The following HIBCH variants were observed in gnomAD, a reference collection of about 807,000 sequenced individuals.
HIBCH encodes the protein 3-hydroxyisobutyryl-CoA hydrolase, mitochondrial.
A neutral mutation model predicts 58.2 loss-of-function variants in HIBCH; 50 were observed. The observed-to-expected ratio is 0.86, with a 90% CI of 0.68 to 1.09. The LOEUF (loss-of-function observed/expected upper bound fraction) is 1.09, where lower values mean the gene tolerates loss of function less well. Among genes scored for constraint, HIBCH ranks in the 50% least tolerant of loss-of-function variants. The probability of loss-of-function intolerance (pLI) is 0.00; values close to 1 mark genes in which losing one functional copy is unlikely to be tolerated. For synonymous variants in HIBCH, 151 were observed against 146.9 expected, an observed-to-expected ratio of 1.03 and a Z score of -0.20; for missense variants, 450 against 449.7, an observed-to-expected ratio of 1.00 and a Z score of -0.01.
exon 2 of HIBCH, chr2:190,189,831 G>A (rs115854537): frequency 6.6e-6 from 1 of 152,128 alleles, no homozygotes; most frequent in African/African-American, 2.4e-5. Context: ...CCTTGAACTG[G>A]CAACTGGAAG....
chr2:190,263,720 C>G (rs545178329), intron 6 of HIBCH, among the ~76,000 whole-genome samples: 2 of 151,962 alleles, frequency 1.3e-5, no homozygotes, highest in South Asian at 4.1e-4. Flanking sequence ...GTGCTCCTCT[C>G]TCTGTCTTCA....
intron 6 of HIBCH, among the ~76,000 whole-genome samples, chr2:190,271,344 A>T (rs1687395736): frequency 1.5e-5 from 2 of 136,726 alleles, no homozygotes; most frequent in Admixed American, 8.5e-5. Context: ...GCTACAGTGC[A>T]GTGGCGTGAT....
In HIBCH at chr2:190,294,597, T is replaced by C. The variant is rs1430906931; in HGVS notation, c.253A>G (p.Ile85Val). The C allele has an allele frequency of 3.7e-6, 6 of 1,612,630 alleles. No homozygotes were observed. Among genetic ancestry groups the C allele is most frequent in the Admixed American group, 3.3e-5 (2 of 60,002 alleles). ...WEQDPETFLI[I>V]IKGAGGKAFC... is the part of the protein sequence containing the mutation. The stretch of plus-strand genomic sequence containing the variant: ...GCCTTTCCTCCTGCTCCCTTTATAA[T>C]GATCAGGAAAGTTTCAGGATCTTGT... The change falls in exon 4 of 14, where the codon ATT becomes GTT. Residue 85 changes from isoleucine to valine, a missense_variant. Coordinates refer to ENST00000359678, the MANE Select transcript of HIBCH (RefSeq NM_014362.4).
chr2:190,291,141 T>G (rs925198966), intron 4 of HIBCH, among the ~76,000 whole-genome samples: 7 of 152,236 alleles, frequency 4.6e-5, no homozygotes, highest in African/African-American at 1.4e-4. Flanking sequence ...GTATTATACG[T>G]GTGTGTATAG....
At chr2:190,224,806 C>G (rs1685841727) in intron 11 of HIBCH, among the ~76,000 whole-genome samples, 1 of 152,224 alleles carries the variant, frequency 6.6e-6, no homozygotes, top group South Asian at 2.1e-4. Flanking sequence ...CTACAGAACT[C>G]TCCACCCCAA....
chr2:190,270,726 A>G (rs914314689), intron 6 of HIBCH, among the ~76,000 whole-genome samples: 8 of 152,234 alleles, frequency 5.3e-5, no homozygotes, highest in South Asian at 2.1e-4. Flanking sequence ...TGACTATTAA[A>G]TAAGTTTCTT....
At chr2:190,194,262 A>G (rs1026085638) in intron 1 of HIBCH, among the ~76,000 whole-genome samples, 1 of 152,144 alleles carries the variant, frequency 6.6e-6, no homozygotes, top group African/African-American at 2.4e-5. Context: ...GTTGGAGCAT[A>G]ATGTTGTTCA....
chr2:190,246,765 T>G (rs1319351279), intron 9 of HIBCH, among the ~76,000 whole-genome samples: 4 of 152,248 alleles, frequency 2.6e-5, no homozygotes, highest in Non-Finnish European at 5.9e-5. Context: ...CACAGTTTTG[T>G]GTCCCCTCAT....
intron 9 of HIBCH, among the ~76,000 whole-genome samples, chr2:190,248,257 A>G (rs1436242127): frequency 9.9e-5 from 15 of 152,180 alleles, no homozygotes; most frequent in Admixed American, 9.2e-4. Flanking sequence ...AAGTTATGGG[A>G]TTCTCAATTG....
At chr2:190,202,795 GAA>G (rs1291775085), downstream of HIBCH, 2 of 167,008 alleles carry the variant, frequency 1.2e-5, no homozygotes, top group African/African-American at 4.8e-5. Context: ...GGTTATCAGA[GAA>G]AATAAATGTG....
At chr2:190,238,722 C>A (rs1575715608) in intron 11 of HIBCH, among the ~76,000 whole-genome samples, 1 of 152,254 alleles carries the variant, frequency 6.6e-6, no homozygotes, top group Non-Finnish European at 1.5e-5. Flanking sequence ...TGTGGCCCCC[C>A]AAAGTGCTGG....
chr2:190,201,682 C>T (rs1290360101), downstream of HIBCH: 1 of 166,912 alleles, frequency 6.0e-6, no homozygotes, highest in Non-Finnish European at 1.5e-5. Flanking sequence ...TTTTCGTTGC[C>T]TTTGGACACC....
intron 11 of HIBCH, among the ~76,000 whole-genome samples, chr2:190,224,487 A>G (rs1215278497): frequency 6.6e-6 from 1 of 152,260 alleles, no homozygotes; most frequent in Non-Finnish European, 1.5e-5. Flanking sequence ...TTGCAATCCT[A>G]GTCTCTGATA....
chr2:190,211,546 A>G lies in HIBCH; in HGVS notation c.1011+1410T>C, dbSNP rs372981576. 2.3e-3 allele frequency among the ~76,000 whole-genome samples: 347 copies of G among 152,270 alleles called. No homozygotes were observed. The highest frequency in any genetic ancestry group is 3.5e-3 in the Admixed American group (53 of 15,290). On this transcript the variant is annotated intron_variant, in intron 12 of 13. Transcript: ENST00000359678. The surrounding 1 kb of genome is among the most constrained non-coding windows in gnomAD (Gnocchi z 5.0). ...AAATCACCTCCTGCTTAAGCCCAAG[A>G]GTCTTCTCAACATACTCCTTTCTCA...
chr2:190,290,472 A>G lies in HIBCH; in HGVS notation c.318T>C (p.Ala106=). 1 of 1,606,854 alleles carries G rather than the reference A, an allele frequency of 6.2e-7. No individual in the cohort carries two copies. The highest frequency in any genetic ancestry group is 8.5e-7 in the Non-Finnish European group (1 of 1,174,180). The change falls in exon 5 of 14, where the codon GCT becomes GCC. Residue 106 remains alanine (A), a synonymous_variant. Transcript: ENST00000359678. ...AGGDIRVISE[A]EKAKQKIAPV... ...GAGCTATCTTCTGTTTTGCCTTTTC[A>G]GCTTCCGAGATCACTAGGAAGGAAA...
rs1333429934 is a variant in HIBCH at position 190,317,890 on chromosome 2, C to T, written c.35+1826G>A. 2.4e-4 allele frequency among the ~76,000 whole-genome samples: 36 copies of T among 149,890 alleles called. 2 individuals carry two copies. Among genetic ancestry groups the T allele is most frequent in the African/African-American group, 8.4e-4 (34 of 40,532 alleles). On this transcript the variant is annotated intron_variant, in intron 1 of 13. Transcript: ENST00000359678. ...CCAGGCTGGAGTGCAGTGGCATGATCTCGGCTCACTGCAACCTCCCCCTCC... is the reference window on the plus strand; with the variant it reads ...CCAGGCTGGAGTGCAGTGGCATGATTTCGGCTCACTGCAACCTCCCCCTCC...
At position 190,205,233 on chromosome 2, in the gene HIBCH, C is replaced by T. The variant is rs1690361629; in HGVS notation, c.1046-1G>A. 2.7e-6 allele frequency: 4 copies of T among 1,470,852 alleles called. No homozygotes were observed. The highest frequency in any genetic ancestry group is 3.8e-6 in the Non-Finnish European group (4 of 1,050,266). 91.1% of individuals were successfully genotyped at this position (1,470,852 alleles called of 1,614,324 possible). ...GGACTCTGGTCTTTATCAATTAAAACTGTCAAGAGAAGATACAAATGTTAA... is the reference window on the plus strand; with the variant it reads ...GGACTCTGGTCTTTATCAATTAAAATTGTCAAGAGAAGATACAAATGTTAA... On this transcript the variant is annotated splice_acceptor_variant, in intron 13 of 13. Transcript: ENST00000359678. LOFTEE classifies it high-confidence loss of function.
At chr2:190,259,053 G>A (rs762523125) in intron 7 of HIBCH, among the ~76,000 whole-genome samples, 9 of 152,188 alleles carry the variant, frequency 5.9e-5, no homozygotes, top group Non-Finnish European at 1.0e-4. Context: ...TCAATACAAA[G>A]CCTCTAGCTT....
At chr2:190,194,474 G>GTA (rs5837182) in intron 1 of HIBCH, among the ~76,000 whole-genome samples, 1 of 124,022 alleles carries the variant, frequency 8.1e-6, no homozygotes, top group East Asian at 2.6e-4. Context: ...CGTATCCTGT[G>GTA]TATACACACA....
Sources: gnomAD v4.1 joint callset for allele counts (sites outside exome capture counted in the v4.1 genomes callset) on GRCh38, gnomAD v4.1.1 for gene constraint, Gnocchi (gnomAD v3.1) non-coding constraint, MANE v1.5 for transcripts, NCBI Gene and HGNC (gene_info 2026-07-23, HGNC 2026-07-21) for gene names.